DCAF1: variants seen among roughly 807,000 people sequenced by gnomAD.
DCAF1 encodes DDB1 and CUL4 associated factor 1, also known as DDB1- and CUL4-associated factor 1.
In DCAF1, 15 loss-of-function variants were observed where a neutral mutation model predicts 128.0. That is an observed-to-expected ratio of 0.12 (90% CI 0.08 to 0.18). The LOEUF is 0.18. Ranked by LOEUF, DCAF1 falls within the 10% of genes least tolerant of loss-of-function variation. DCAF1 has a pLI of 1.00. For synonymous variants in DCAF1, 610 were observed against 603.0 expected, an observed-to-expected ratio of 1.01 and a Z score of -0.17; for missense variants, 988 against 1,649.5, an observed-to-expected ratio of 0.60 and a Z score of 6.95.
At chr3:51,478,097 T>C (rs1445783963) in intron 3 of DCAF1, among the ~76,000 whole-genome samples, 1 of 152,074 alleles carries the variant, frequency 6.6e-6, no homozygotes, top group Non-Finnish European at 1.5e-5. Context: ...TCGACCTACC[T>C]GGCTCAAGCA....
At chr3:51,499,222 T>C (rs764733905) in intron 1 of DCAF1, among the ~76,000 whole-genome samples, 15 of 152,298 alleles carry the variant, frequency 9.8e-5, no homozygotes, top group South Asian at 4.1e-4. Context: ...CCCCCGGAAA[T>C]AGACTCCAGG....
chr3:51,455,639 C>G (rs936613617), intron 6 of DCAF1, among the ~76,000 whole-genome samples: 1 of 152,028 alleles, frequency 6.6e-6, no homozygotes, highest in Non-Finnish European at 1.5e-5. Flanking sequence ...TGGCTCACAC[C>G]TGTAATCCCA....
At chr3:51,430,292 A>G (rs957199941) in intron 10 of DCAF1, 80 bp from the exon 11 acceptor site, 2 of 687,356 alleles carry the variant, frequency 2.9e-6, no homozygotes, top group African/African-American at 1.8e-5. Context: ...ATTTGCCAGT[A>G]TAGATATCTG....
At chr3:51,415,172 T>C (rs139524318) in intron 18 of DCAF1, among the ~76,000 whole-genome samples, 42 of 152,272 alleles carry the variant, frequency 2.8e-4, no homozygotes, top group African/African-American at 9.6e-4. Context: ...TCTAGTCCCC[T>C]TGATGATCTC....
At chr3:51,439,763 G>A (rs780157401) in intron 9 of DCAF1, among the ~76,000 whole-genome samples, 3 of 152,058 alleles carry the variant, frequency 2.0e-5, no homozygotes, top group African/African-American at 7.2e-5. Context: ...GGGCTGAGGC[G>A]AGTGGTTCAC....
intron 3 of DCAF1, among the ~76,000 whole-genome samples, chr3:51,477,746 A>G (rs1203315983): frequency 6.6e-6 from 1 of 152,172 alleles, no homozygotes; most frequent in African/African-American, 2.4e-5. Flanking sequence ...ATACTGAGTG[A>G]CAAATAAGGA....
In DCAF1 at chr3:51,429,408, T is replaced by C. The variant is rs1553634982; in HGVS notation, c.1530A>G (p.Ile510Met). 1.3e-6 allele frequency: 1 copy of C among 780,884 alleles called. No individual in the cohort carries two copies. Among genetic ancestry groups the C allele is most frequent in the Admixed American group, 1.7e-5 (1 of 59,036 alleles). 48.4% of individuals were successfully genotyped at this position (780,884 alleles called of 1,614,324 possible). A position where few individuals can be genotyped will look rare whatever the true frequency, so the allele number is the denominator to read the frequency against. ...GTTTCCCAGTTTGGCGGCTAGCAAATATTTCATCATCACTCAGAAGTGCAC... is the reference window on the plus strand; with the variant it reads ...GTTTCCCAGTTTGGCGGCTAGCAAACATTTCATCATCACTCAGAAGTGCAC... ...DQGALLSDDE[I>M]FASRQTGKHT... Residue 510 changes from isoleucine to methionine, a missense_variant, in exon 12 of 25, where the codon ATA becomes ATG. By Grantham distance (10) the Ile-to-Met change is conservative. Transcript: ENST00000684031.
intron 23 of DCAF1, among the ~76,000 whole-genome samples, chr3:51,407,831 T>C (rs577886866): frequency 2.2e-4 from 34 of 151,722 alleles, no homozygotes; most frequent in African/African-American, 7.5e-4. Flanking sequence ...CTACTAAAAA[T>C]ACAGAATTGG....
At chr3:51,430,482 C>T (rs1193989285) in intron 10 of DCAF1, among the ~76,000 whole-genome samples, 6 of 152,150 alleles carry the variant, frequency 3.9e-5, no homozygotes, top group East Asian at 1.9e-4. Context: ...TTAATGCTCA[C>T]GAGGGCTCCA....
In DCAF1 at chr3:51,398,157, C is replaced by A. The variant is rs1161625232; in HGVS notation, c.*612G>T. On this transcript the variant is annotated 3_prime_UTR_variant, in exon 25 of 25. Transcript: ENST00000684031. ...GAAGGAAAACAAATTAACCTGACAGCATATGAGGCAACAAAACAGGTTAAA... is the reference window on the plus strand; with the variant it reads ...GAAGGAAAACAAATTAACCTGACAGAATATGAGGCAACAAAACAGGTTAAA... The A allele has an allele frequency of 1.3e-5, 2 of 152,162 alleles. No homozygotes were observed. Among genetic ancestry groups the A allele is most frequent in the East Asian group, 3.9e-4 (2 of 5,176 alleles). 9.4% of individuals were successfully genotyped at this position (152,162 alleles called of 1,614,324 possible).
chr3:51,395,912 C>T (rs74619531), downstream of DCAF1: 2,139 of 413,450 alleles, frequency 5.2e-3, 16 homozygotes, highest in Middle Eastern at 0.012. Flanking sequence ...TGTTTTTTTA[C>T]TTGAGCTGTG....
At position 51,461,578 on chromosome 3, in the gene DCAF1, T is replaced by C. The variant is rs1223963029; in HGVS notation, c.375+1536A>G. 3.1e-4 allele frequency among the ~76,000 whole-genome samples: 47 copies of C among 152,042 alleles called. 1 individual carries two copies. Among genetic ancestry groups the C allele is most frequent in the Admixed American group, 2.9e-3 (44 of 15,246 alleles). On this transcript the variant is annotated intron_variant, in intron 6 of 24. Coordinates refer to ENST00000684031, the MANE Select transcript of DCAF1 (RefSeq NM_001387579.1). ...CATTACTGGGTATATACCCAAAGGA[T>C]TATAAATCATGCTGCTATAAAGACA...
intron 17 of DCAF1, among the ~76,000 whole-genome samples, chr3:51,417,368 A>C (rs956077912): frequency 1.3e-5 from 2 of 151,966 alleles, no homozygotes; most frequent in Non-Finnish European, 2.9e-5. Flanking sequence ...GCAGTAGGTC[A>C]TGTTTGTGCC....
At chr3:51,399,942 G>C (rs1197543244) in intron 24 of DCAF1, among the ~76,000 whole-genome samples, 4 of 152,090 alleles carry the variant, frequency 2.6e-5, no homozygotes, top group Admixed American at 6.6e-5. Context: ...TCAACTCTTG[G>C]ACAAACAGAG....
intron 18 of DCAF1, among the ~76,000 whole-genome samples, chr3:51,415,354 G>C (rs1698783845): frequency 6.6e-6 from 1 of 152,052 alleles, no homozygotes; most frequent in African/African-American, 2.4e-5. Context: ...AATTAGCCAG[G>C]TGTGATGGTG....
chr3:51,405,320 AC>A (rs2090030434), intron 23 of DCAF1, among the ~76,000 whole-genome samples: 1 of 152,214 alleles, frequency 6.6e-6, no homozygotes, highest in African/African-American at 2.4e-5. Context: ...GAAGAACTGA[AC>A]AAAAAGCTTC....
chr3:51,417,775 AGAG>A (rs1699023883), intron 17 of DCAF1, among the ~76,000 whole-genome samples: 1 of 132,996 alleles, frequency 7.5e-6, no homozygotes, highest in African/African-American at 2.8e-5. Flanking sequence ...AGAGGAGAAG[AGAG>A]GAGAGAGAAA....
chr3:51,447,412 AAAATAAAT>A (rs1161395614), intron 6 of DCAF1, among the ~76,000 whole-genome samples: 2 of 152,010 alleles, frequency 1.3e-5, no homozygotes, highest in Non-Finnish European at 2.9e-5. Context: ...TGTCTCTCAA[AAAATAAAT>A]AAATAAATAA....
chr3:51,429,172 G>C, intron 12 of DCAF1, 89 bp downstream of exon 12: 1 of 697,404 alleles, frequency 1.4e-6, no homozygotes, highest in Non-Finnish European at 2.7e-6. Flanking sequence ...ACATAGCACA[G>C]AGTCCACTGA....
Sources: allele counts gnomAD v4.1 joint callset (sites outside exome capture counted in the v4.1 genomes callset), GRCh38; gene constraint gnomAD v4.1.1; transcripts MANE v1.5; gene names NCBI Gene and HGNC (gene_info 2026-07-23, HGNC 2026-07-21).